The following PRKN variants were observed in gnomAD, a reference collection of about 807,000 sequenced individuals.
The protein encoded by PRKN is E3 ubiquitin-protein ligase parkin.
Under a neutral mutation model 59.5 loss-of-function variants are expected in PRKN, and 56 were observed. That is an observed-to-expected ratio of 0.94 (90% confidence interval 0.76 to 1.18). The LOEUF (loss-of-function observed/expected upper bound fraction) is 1.18, where lower values mean the gene tolerates loss of function less well. Ranked by LOEUF, PRKN falls within the 50% of genes most tolerant of loss-of-function variation. The probability of loss-of-function intolerance (pLI) is 0.00; values close to 1 mark genes in which losing one functional copy is unlikely to be tolerated. For missense variants in PRKN, 657 were observed against 596.4 expected, an observed-to-expected ratio of 1.10 and a Z score of -1.06; for synonymous variants, 250 against 222.1, an observed-to-expected ratio of 1.13 and a Z score of -1.12.
chr6:162,160,860 C>G (rs920823333), intron 4 of PRKN, among the ~76,000 whole-genome samples: 1 of 138,982 alleles, frequency 7.2e-6, no homozygotes, highest in African/African-American at 2.8e-5. Context: ...CACTGTACTC[C>G]AGCCTGGGCA....
rs939744997 is a variant in PRKN, at chr6:161,535,232, G to A, written c.1083+13622C>T. On this transcript the variant is annotated intron_variant, in intron 9 of 11. Transcript: ENST00000366898. Reference sequence around the variant, plus strand: ...GTGGCAACACCTTTTAATAGAAGGGGCGAATACAATTTTACGGGTATTATT... The same window carrying A: ...GTGGCAACACCTTTTAATAGAAGGGACGAATACAATTTTACGGGTATTATT... 2.0e-5 allele frequency among the ~76,000 whole-genome samples: 3 copies of A among 152,190 alleles called. No homozygotes were observed. The South Asian group carries it at 6.2e-4, about 31-fold the overall frequency.
At chr6:161,773,870 A>G (rs1789799544) in intron 7 of PRKN, among the ~76,000 whole-genome samples, 1 of 152,192 alleles carries the variant, frequency 6.6e-6, no homozygotes, top group Non-Finnish European at 1.5e-5. Context: ...GAGAGTCGAA[A>G]TTCAAGGAAA....
At chr6:162,246,824 A>G (rs2128093902) in intron 3 of PRKN, among the ~76,000 whole-genome samples, 1 of 152,284 alleles carries the variant, frequency 6.6e-6, no homozygotes, top group African/African-American at 2.4e-5. Context: ...TGAAAAATAT[A>G]CATTTTTAGC....
rs146845344 is a variant in PRKN at position 162,481,183 on chromosome 6, A to G, written c.8-37710T>C. Among the ~76,000 whole-genome samples, 296 of 152,240 alleles carry G rather than the reference A, an allele frequency of 1.9e-3. 3 individuals carry two copies. The highest frequency in any genetic ancestry group is 6.5e-3 in the African/African-American group (271 of 41,524). On this transcript the variant is annotated intron_variant, in intron 1 of 11. Transcript: ENST00000366898. ...CATATAAAGAATTAAGTAGTCAGCT[A>G]TATGGAAAAGTGAAGCTTTCAAAAA...
chr6:161,951,854 G>A (rs554468461), intron 6 of PRKN, among the ~76,000 whole-genome samples: 10 of 151,746 alleles, frequency 6.6e-5, no homozygotes, highest in African/African-American at 2.2e-4. Flanking sequence ...CCCAGAAGGC[G>A]GAGATTACAG....
chr6:162,704,244 G>A (rs78104340), intron 1 of PRKN, among the ~76,000 whole-genome samples: 2,387 of 152,212 alleles, frequency 0.016, 62 homozygotes, highest in African/African-American at 0.053. Context: ...GTTGTAGGCA[G>A]AATGTGCAGC....
intron 7 of PRKN, among the ~76,000 whole-genome samples, chr6:161,631,771 A>AC (rs1783320335): frequency 3.1e-5 from 2 of 64,898 alleles, no homozygotes; most frequent in African/African-American, 1.8e-4. Flanking sequence ...ACACCCAGAC[A>AC]AACACACACA....
At chr6:162,436,961 G>A (rs983364755) in intron 2 of PRKN, among the ~76,000 whole-genome samples, 4 of 151,948 alleles carry the variant, frequency 2.6e-5, no homozygotes, top group Non-Finnish European at 2.9e-5. Flanking sequence ...GCGTGGTAGC[G>A]GGCGCCTGTA....
chr6:161,525,787 G>A lies in PRKN; in HGVS notation c.1083+23067C>T, dbSNP rs1277662127. On this transcript the variant is annotated intron_variant, in intron 9 of 11. Transcript: ENST00000366898. The surrounding 1 kb of genome is among the most constrained non-coding windows in gnomAD (Gnocchi z 4.7). ...GGAAATAGGTGTTCTAATTATAGAT[G>A]CTAAAAATGTTCTGTATACTACTTG... Among the ~76,000 whole-genome samples, 1 of 152,094 alleles carries A rather than the reference G, an allele frequency of 6.6e-6. No homozygotes were observed. Among genetic ancestry groups the A allele is most frequent in the East Asian group, 1.9e-4 (1 of 5,198 alleles).
At chr6:161,680,765 A>ATTTTTTT (rs1562604015) in intron 7 of PRKN, among the ~76,000 whole-genome samples, 5 of 10,886 alleles carry the variant, frequency 4.6e-4, no homozygotes, top group African/African-American at 1.1e-3. Context: ...ATATATATAT[A>ATTTTTTT]TATATATATA....
intron 1 of PRKN, among the ~76,000 whole-genome samples, chr6:162,725,014 C>A (rs1313197688): frequency 6.6e-6 from 1 of 152,168 alleles, no homozygotes; most frequent in Non-Finnish European, 1.5e-5. Flanking sequence ...GCTTTCACGC[C>A]ACTGTAAGCT....
At chr6:162,274,177 A>AT (rs1562631883) in intron 2 of PRKN, among the ~76,000 whole-genome samples, 20 of 151,386 alleles carry the variant, frequency 1.3e-4, no homozygotes, top group African/African-American at 4.6e-4. Context: ...TTATTAATTT[A>AT]TTAATGTATT....
intron 7 of PRKN, among the ~76,000 whole-genome samples, chr6:161,782,952 A>G (rs1001150175): frequency 1.3e-5 from 2 of 152,164 alleles, no homozygotes; most frequent in African/African-American, 4.8e-5. Context: ...ATACATATTC[A>G]ATTGATGACA....
chr6:162,309,322 G>A (rs1490110232), intron 2 of PRKN, among the ~76,000 whole-genome samples: 1 of 152,062 alleles, frequency 6.6e-6, no homozygotes, highest in Non-Finnish European at 1.5e-5. Context: ...CTGCCACCAT[G>A]GCCAACTAAT....
intron 1 of PRKN, among the ~76,000 whole-genome samples, chr6:162,612,401 A>C (rs907266565): frequency 1.1e-4 from 16 of 151,818 alleles, no homozygotes; most frequent in African/African-American, 3.9e-4. Context: ...AGGTTTAGAC[A>C]TGTTAACACT....
At chr6:161,717,629 T>C (rs1046268641) in intron 7 of PRKN, among the ~76,000 whole-genome samples, 1 of 152,216 alleles carries the variant, frequency 6.6e-6, no homozygotes, top group Non-Finnish European at 1.5e-5. Context: ...TTGATTCTTA[T>C]TCATATCTTC....
intron 7 of PRKN, among the ~76,000 whole-genome samples, chr6:161,666,141 G>A (rs562287560): frequency 6.6e-6 from 1 of 152,104 alleles, no homozygotes; most frequent in African/African-American, 2.4e-5. Flanking sequence ...CTATTTTGGG[G>A]CATCCTCAGA....
intron 4 of PRKN, among the ~76,000 whole-genome samples, chr6:162,066,605 A>G (rs915328659): frequency 2.6e-5 from 4 of 152,174 alleles, no homozygotes; most frequent in South Asian, 2.1e-4. Context: ...CTCTTCGACC[A>G]TGTGAGGACA....
At chr6:161,580,789 T>C (rs1781310210) in intron 7 of PRKN, among the ~76,000 whole-genome samples, 1 of 152,018 alleles carries the variant, frequency 6.6e-6, no homozygotes, top group Admixed American at 6.6e-5. Context: ...AAAAATTTGT[T>C]TTAAGCAAGC....
Sources: allele counts gnomAD v4.1 joint callset (sites outside exome capture counted in the v4.1 genomes callset), GRCh38; gene constraint gnomAD v4.1.1; non-coding constraint Gnocchi (gnomAD v3.1); transcripts MANE v1.5; gene names NCBI Gene and HGNC (gene_info 2026-07-23, HGNC 2026-07-21).